The following ARHGEF4 variants were observed in gnomAD, a reference collection of about 807,000 sequenced individuals.
ARHGEF4 encodes Rho guanine nucleotide exchange factor 4, also known as APC-stimulated guanine nucleotide exchange factor 1.
A neutral mutation model predicts 162.0 loss-of-function variants in ARHGEF4; 119 were observed. The ratio of observed to expected loss-of-function variants is 0.73; its 90% confidence interval spans 0.63 to 0.86. ARHGEF4 has a LOEUF of 0.86. Ranked by LOEUF, ARHGEF4 falls within the 40% of genes least tolerant of loss-of-function variation. The pLI, the probability that ARHGEF4 is intolerant of heterozygous loss-of-function variation, is 0.00. For synonymous variants in ARHGEF4, 1,014 were observed against 979.9 expected, an observed-to-expected ratio of 1.03 and a Z score of -0.65; for missense variants, 2,488 against 2,456.0, an observed-to-expected ratio of 1.01 and a Z score of -0.28.
At chr2:130,925,151 A>G (rs1156969731) in intron 2 of ARHGEF4, among the ~76,000 whole-genome samples, 1 of 151,918 alleles carries the variant, frequency 6.6e-6, no homozygotes, top group Non-Finnish European at 1.5e-5. Flanking sequence ...TAAAATTTGT[A>G]TGGAGAGATA....
intron 4 of ARHGEF4, among the ~76,000 whole-genome samples, chr2:130,955,809 A>G (rs752875523): frequency 6.6e-6 from 1 of 152,154 alleles, no homozygotes; most frequent in South Asian, 2.1e-4. Context: ...CATGCAAACT[A>G]GTGGGGTTAC....
At chr2:130,979,897 T>C (rs1558800216) in intron 4 of ARHGEF4, among the ~76,000 whole-genome samples, 1 of 152,162 alleles carries the variant, frequency 6.6e-6, no homozygotes, top group African/African-American at 2.4e-5. Context: ...TACGCTTTGA[T>C]AGAGAGGAAA....
At chr2:130,960,957 A>G (rs769158758) in intron 4 of ARHGEF4, among the ~76,000 whole-genome samples, 9 of 152,200 alleles carry the variant, frequency 5.9e-5, no homozygotes, top group Non-Finnish European at 1.3e-4. Context: ...AAATGGACTC[A>G]GTAAAAGCAT....
intron 1 of ARHGEF4, among the ~76,000 whole-genome samples, chr2:130,901,729 C>T (rs529389356): frequency 4.7e-4 from 72 of 152,248 alleles, no homozygotes; most frequent in African/African-American, 1.7e-3. Context: ...CCATGTTGGC[C>T]AGGCTGGTCA....
chr2:131,014,896 G>C (rs980278081), intron 4 of ARHGEF4, among the ~76,000 whole-genome samples: 2 of 152,158 alleles, frequency 1.3e-5, no homozygotes, highest in Non-Finnish European at 2.9e-5. Flanking sequence ...AACGGCTAGA[G>C]ACCCAGGGCA....
chr2:130,907,249 G>GCC (rs1680873613), intron 1 of ARHGEF4, among the ~76,000 whole-genome samples: 2 of 135,018 alleles, frequency 1.5e-5, no homozygotes, highest in Non-Finnish European at 3.1e-5. Flanking sequence ...GTCTCGCTCT[G>GCC]GAGACTGGAG....
chr2:130,910,628 A>G (rs772295683), intron 1 of ARHGEF4, among the ~76,000 whole-genome samples: 75 of 152,216 alleles, frequency 4.9e-4, no homozygotes, highest in Non-Finnish European at 5.7e-4. Context: ...TAAACAGTCA[A>G]CAAGGCTGAT....
chr2:131,031,578 A>C (rs147581419), intron 5 of ARHGEF4, among the ~76,000 whole-genome samples: 1 of 152,332 alleles, frequency 6.6e-6, no homozygotes, highest in Non-Finnish European at 1.5e-5. Context: ...GGGCCTGAGG[A>C]ACGTGCAAAC....
intron 4 of ARHGEF4, among the ~76,000 whole-genome samples, chr2:130,955,019 A>G (rs1428571768): frequency 2.6e-5 from 4 of 151,348 alleles, no homozygotes; most frequent in Admixed American, 1.3e-4. Context: ...CTATTGATCT[A>G]TCTTCAAGTT....
intron 1 of ARHGEF4, among the ~76,000 whole-genome samples, chr2:130,874,247 A>G (rs1387905108): frequency 3.9e-5 from 6 of 152,222 alleles, no homozygotes; most frequent in African/African-American, 7.2e-5. Flanking sequence ...TAGACAAACT[A>G]CAAGGCGGCT....
rs762216936 is a variant in ARHGEF4, at chr2:130,916,946, T to C, written c.3000T>C (p.Phe1000=). 53 of 1,550,674 alleles carry C rather than the reference T, an allele frequency of 3.4e-5. No homozygotes were observed. Among genetic ancestry groups the C allele is most frequent in the Non-Finnish European group, 4.2e-5 (48 of 1,147,054 alleles). Residue 1000 remains phenylalanine (F), a synonymous_variant, in exon 2 of 14, where the codon TTT becomes TTC. Transcript: ENST00000409359. Reference sequence around the variant, plus strand: ...CGGAGGACAAAGAGGGCTATGTTTTTAGCGATCACTGGGCACCCCCACTTG... The same window carrying C: ...CGGAGGACAAAGAGGGCTATGTTTTCAGCGATCACTGGGCACCCCCACTTG... ...ERAEDKEGYV[F]SDHWAPPLAS...
At chr2:130,837,993 C>T (rs1680324813) in intron 1 of ARHGEF4, among the ~76,000 whole-genome samples, 1 of 152,238 alleles carries the variant, frequency 6.6e-6, no homozygotes, top group Non-Finnish European at 1.5e-5. Flanking sequence ...CCAGGGCAGA[C>T]CTGCAGGAGC....
chr2:130,874,308 T>C (rs989482751), intron 1 of ARHGEF4, among the ~76,000 whole-genome samples: 1 of 152,190 alleles, frequency 6.6e-6, no homozygotes, highest in Non-Finnish European at 1.5e-5. Context: ...GGAAAACAGG[T>C]CCCAGGAATC....
chr2:131,008,922 G>A (rs1688288537), intron 4 of ARHGEF4, among the ~76,000 whole-genome samples: 2 of 152,002 alleles, frequency 1.3e-5, no homozygotes. Flanking sequence ...GCTTTAAATT[G>A]CTATGTATTT....
At chr2:131,009,438 GGTCATTAT>G (rs1264624482) in intron 4 of ARHGEF4, among the ~76,000 whole-genome samples, 4 of 151,884 alleles carry the variant, frequency 2.6e-5, no homozygotes, top group Non-Finnish European at 4.4e-5. Context: ...TGAAACTGTT[GGTCATTAT>G]GTCTTCAGAA....
At chr2:130,960,371 T>TA (rs1684558874) in intron 4 of ARHGEF4, among the ~76,000 whole-genome samples, 1 of 152,216 alleles carries the variant, frequency 6.6e-6, no homozygotes, top group African/African-American at 2.4e-5. Context: ...TAAGAATACT[T>TA]ACCATTGTGT....
intron 4 of ARHGEF4, among the ~76,000 whole-genome samples, chr2:130,963,462 T>C (rs1311030779): frequency 6.6e-6 from 1 of 151,914 alleles, no homozygotes; most frequent in African/African-American, 2.4e-5. Context: ...CTGGAATCCT[T>C]GCGGTGAAAA....
At chr2:130,917,599 G>C in intron 2 of ARHGEF4, 101 bp downstream of exon 2, 1 of 1,431,408 alleles carries the variant, frequency 7.0e-7, no homozygotes, top group Non-Finnish European at 9.2e-7. Flanking sequence ...AAATAGGAAG[G>C]CCAGGCCAAA....
chr2:130,953,126 T>C (rs113381144), intron 4 of ARHGEF4, among the ~76,000 whole-genome samples: 1,969 of 151,954 alleles, frequency 0.013, 36 homozygotes, highest in African/African-American at 0.044. Flanking sequence ...AGAACAAAAC[T>C]GGAGGCATCA....
Sources: gnomAD v4.1 joint callset for allele counts (sites outside exome capture counted in the v4.1 genomes callset) on GRCh38, gnomAD v4.1.1 for gene constraint, MANE v1.5 for transcripts, NCBI Gene and HGNC (gene_info 2026-07-23, HGNC 2026-07-21) for gene names.